The following TTC22 variants were observed in gnomAD, a reference collection of about 807,000 sequenced individuals.
The protein encoded by TTC22 is tetratricopeptide repeat protein 22.
TTC22 carries 42 observed loss-of-function variants against 48.2 expected under a neutral mutation model. The observed-to-expected ratio is 0.87, with a 90% confidence interval of 0.68 to 1.13. The LOEUF (loss-of-function observed/expected upper bound fraction) is 1.13, where lower values mean the gene tolerates loss of function less well. Among genes scored for constraint, TTC22 ranks in the 50% most tolerant of loss-of-function variants. TTC22 has a pLI of 0.00. For synonymous variants in TTC22, 345 were observed against 365.5 expected (o/e 0.94, Z 0.64); for missense variants, 784 against 807.0 (o/e 0.97, Z 0.34).
intron 1 of TTC22, among the ~76,000 whole-genome samples, chr1:54,791,043 AGAGATGGGGT>A (rs1646347214): frequency 6.6e-6 from 1 of 152,108 alleles, no homozygotes; most frequent in South Asian, 2.1e-4. Context: ...TATTTTTAGT[AGAGATGGGGT>A]TTCGCTATGT....
chr1:54,787,706 CCCA>C lies in TTC22; in HGVS notation c.739+2_739+4del, dbSNP rs1646315524. 2 of 1,608,810 alleles carry C rather than the reference CCCA, an allele frequency of 1.2e-6. No individual in the cohort carries two copies. Among genetic ancestry groups the C allele is most frequent in the Non-Finnish European group, 1.7e-6 (2 of 1,177,108 alleles). On this transcript the variant is annotated splice_donor_variant and splice_donor_region_variant and intron_variant, in intron 3 of 6. Transcript: ENST00000371276. LOFTEE classifies it high-confidence loss of function. ...TGCTGTCCCACCCATCCCCCGGGTC[CCCA>C]CCTCGGTGGCGGGGGTCCTCGGACT...
At chr1:54,793,224 T>A (rs1041921271) in intron 1 of TTC22, among the ~76,000 whole-genome samples, 3 of 152,186 alleles carry the variant, frequency 2.0e-5, no homozygotes, top group Non-Finnish European at 4.4e-5. Flanking sequence ...AGCAGATTCA[T>A]GGGAGGGAAC....
At chr1:54,791,968 T>G (rs993415194) in intron 1 of TTC22, among the ~76,000 whole-genome samples, 2 of 151,504 alleles carry the variant, frequency 1.3e-5, no homozygotes, top group African/African-American at 2.4e-5. Context: ...TACCTAAGGT[T>G]CCACACTAGT....
At chr1:54,796,105 C>T (rs965349207) in intron 1 of TTC22, among the ~76,000 whole-genome samples, 4 of 152,300 alleles carry the variant, frequency 2.6e-5, no homozygotes, top group African/African-American at 7.2e-5. Context: ...TATCATCCAG[C>T]TTCATCTACC....
chr1:54,800,564 C>T (rs746970584), intron 1 of TTC22, 33 bp downstream of exon 1: 6 of 1,444,456 alleles, frequency 4.2e-6, no homozygotes, highest in African/African-American at 1.5e-5. Flanking sequence ...CACAGTCCTC[C>T]CAGAGGGAGG....
At chr1:54,787,898 G>A (rs1646318327) in intron 2 of TTC22, 72 bp from the exon 3 acceptor site, 2 of 1,491,262 alleles carry the variant, frequency 1.3e-6, no homozygotes, top group Admixed American at 1.9e-5. Context: ...GCCCTGCCCA[G>A]GCCTGTGGTG....
intron 4 of TTC22, chr1:54,786,686 G>A (rs751254075): frequency 5.3e-5 from 19 of 355,570 alleles, no homozygotes; most frequent in Non-Finnish European, 9.1e-5. Flanking sequence ...ACTCCTGGCA[G>A]AGGGAATACT....
At chr1:54,787,470 TC>T in intron 3 of TTC22, 1 of 586,198 alleles carries the variant, frequency 1.7e-6, no homozygotes, top group Non-Finnish European at 3.0e-6. Context: ...AAACTACCTC[TC>T]ACCCTCCAGG....
Position 54,800,652 on chromosome 1 carries a change from C to A in TTC22, c.512G>T (p.Arg171Leu). The change falls in exon 1 of 7, where the codon CGG becomes CTG. Residue 171 changes from arginine (R) to leucine (L), a missense_variant. Transcript: ENST00000371276. ...GAGCGCGATGCCTGCCGCCAGCCCCCGCGCACGCTCCTCTGGGCTGGCGCA... is the reference window on the plus strand; with the variant it reads ...GAGCGCGATGCCTGCCGCCAGCCCCAGCGCACGCTCCTCTGGGCTGGCGCA... Reference protein sequence around the residue: ...VGCASPEERARGLAAGIALYD... With the variant: ...VGCASPEERALGLAAGIALYD... The A allele has an allele frequency of 6.4e-7, 1 of 1,554,594 alleles. No homozygotes were observed. The highest frequency in any genetic ancestry group is 8.6e-7 in the Non-Finnish European group (1 of 1,161,436).
chr1:54,781,799 G>A lies in TTC22; in HGVS notation c.1174-20C>T. ...GTAGACCTGGGGTCGGGGACGCGGG[G>A]TGAGCCCTTCACCGCAGGCGCGGCT... On this transcript the variant is annotated intron_variant, in intron 6 of 6. Coordinates refer to ENST00000371276, the MANE Select transcript of TTC22 (RefSeq NM_001114108.2). 1.4e-6 allele frequency: 2 copies of A among 1,400,420 alleles called. No homozygotes were observed. Among genetic ancestry groups the A allele is most frequent in the East Asian group, 2.9e-5 (1 of 34,128 alleles). 86.7% of individuals were successfully genotyped at this position (1,400,420 alleles called of 1,614,324 possible).
rs889231044 is a variant in TTC22 at position 54,781,402 on chromosome 1, C to T, written c.1551G>A (p.Leu517=). 1.6e-5 allele frequency: 23 copies of T among 1,394,128 alleles called. No homozygotes were observed. The highest frequency in any genetic ancestry group is 4.8e-4 in the Middle Eastern group (2 of 4,158). The allele number at this position is 1,394,128 out of a possible 1,614,324, so 86.4% of individuals were successfully genotyped here. A position where few individuals can be genotyped will look rare whatever the true frequency, so the allele number is the denominator to read the frequency against. ...KYPAARLRQE[L]QRVWRGHTDE... ...CCGTGTGCCCGCGCCACACGCGCTGCAGCTCCTGGCGCAGGCGCGCCGCGG... is the reference window on the plus strand; with the variant it reads ...CCGTGTGCCCGCGCCACACGCGCTGTAGCTCCTGGCGCAGGCGCGCCGCGG... Residue 517 remains leucine, a synonymous_variant, in exon 7 of 7, where the codon CTG becomes CTA. Coordinates refer to ENST00000371276, the MANE Select transcript of TTC22 (RefSeq NM_001114108.2).
chr1:54,793,666 GA>G (rs149189399), intron 1 of TTC22, among the ~76,000 whole-genome samples: 6,894 of 152,286 alleles, frequency 0.045, 187 homozygotes, highest in African/African-American at 0.077. Flanking sequence ...AGTCTCGACT[GA>G]AACCTGGAGA....
At chr1:54,786,345 ACT>A in intron 4 of TTC22, 1 of 525,046 alleles carries the variant, frequency 1.9e-6, no homozygotes, top group Non-Finnish European at 3.4e-6. Flanking sequence ...ACCTATTGGC[ACT>A]CAACTCCTGA....
At chr1:54,795,231 C>T (rs954127438) in intron 1 of TTC22, among the ~76,000 whole-genome samples, 2 of 152,226 alleles carry the variant, frequency 1.3e-5, no homozygotes, top group Non-Finnish European at 2.9e-5. Flanking sequence ...AGGGGTGACC[C>T]CATGTGGCCT....
intron 1 of TTC22, among the ~76,000 whole-genome samples, chr1:54,789,236 C>T (rs1237421109): frequency 6.6e-6 from 1 of 152,146 alleles, no homozygotes; most frequent in Non-Finnish European, 1.5e-5. Context: ...CTGATAGAGG[C>T]CATGAGAGTG....
intron 1 of TTC22, among the ~76,000 whole-genome samples, chr1:54,794,094 T>C (rs554716095): frequency 6.6e-6 from 1 of 152,348 alleles, no homozygotes; most frequent in East Asian, 1.9e-4. Context: ...ATGCTGAAGT[T>C]TGAGAACCAT....
chr1:54,784,730 G>C (rs1646287252), intron 5 of TTC22: 2 of 1,257,178 alleles, frequency 1.6e-6, no homozygotes, highest in Admixed American at 2.8e-5. Context: ...TTTGCCACTA[G>C]GTCATGTGGA....
intron 1 of TTC22, among the ~76,000 whole-genome samples, chr1:54,798,943 C>T (rs537608900): frequency 2.9e-4 from 44 of 152,334 alleles, no homozygotes; most frequent in African/African-American, 9.6e-4. Context: ...GTGCTCAGAA[C>T]GAAACCTCTG....
chr1:54,785,401 C>T (rs1237890065), intron 5 of TTC22: 1 of 279,896 alleles, frequency 3.6e-6, no homozygotes, highest in Admixed American at 5.0e-5. Context: ...AGCCAGATTT[C>T]AACTCTGGTC....
Sources: allele counts gnomAD v4.1 joint callset (sites outside exome capture counted in the v4.1 genomes callset), GRCh38; gene constraint gnomAD v4.1.1; transcripts MANE v1.5; gene names NCBI Gene and HGNC (gene_info 2026-07-23, HGNC 2026-07-21).